KLF12: variants seen among roughly 807,000 people sequenced by gnomAD.
KLF12 encodes Krueppel-like factor 12.
Under a neutral mutation model 37.8 loss-of-function variants are expected in KLF12, and 9 were observed. The ratio of observed to expected loss-of-function variants is 0.24; its 90% CI spans 0.14 to 0.42. The LOEUF (loss-of-function observed/expected upper bound fraction) is 0.42, where lower values mean the gene tolerates loss of function less well. Ranked by LOEUF, KLF12 falls within the 10% of genes least tolerant of loss-of-function variation. The probability of loss-of-function intolerance (pLI) is 1.00; values close to 1 mark genes in which losing one functional copy is unlikely to be tolerated. For missense variants in KLF12, 411 were observed against 516.0 expected, an observed-to-expected ratio of 0.80 and a Z score of 1.97; for synonymous variants, 208 against 202.1, an observed-to-expected ratio of 1.03 and a Z score of -0.25.
At chr13:74,097,086 A>G (rs908279733) in intron 1 of KLF12, among the ~76,000 whole-genome samples, 5 of 152,210 alleles carry the variant, frequency 3.3e-5, no homozygotes, top group African/African-American at 9.6e-5. Flanking sequence ...ACGTTGCAGT[A>G]TATGAATACA....
chr13:73,818,247 G>A lies in KLF12; in HGVS notation c.671-4960C>T, dbSNP rs989653081. ...TGCAACCTCCGCCTCCCAGATTTAAGTAATTCTCCTGCCTTGGCCTCCCAA... is the reference window on the plus strand; with the variant it reads ...TGCAACCTCCGCCTCCCAGATTTAAATAATTCTCCTGCCTTGGCCTCCCAA... On this transcript the variant is annotated intron_variant, in intron 4 of 7. Transcript: ENST00000377669. 2.2e-4 allele frequency among the ~76,000 whole-genome samples: 34 copies of A among 152,372 alleles called. 1 individual carries two copies. Among genetic ancestry groups the A allele is most frequent in the African/African-American group, 7.5e-4 (31 of 41,598 alleles).
intron 3 of KLF12, among the ~76,000 whole-genome samples, chr13:73,927,972 C>T (rs551041999): frequency 4.1e-4 from 63 of 152,140 alleles, no homozygotes; most frequent in African/African-American, 1.4e-3. Flanking sequence ...ATTCTCCTGC[C>T]TCAGCCTCTT....
intron 1 of KLF12, among the ~76,000 whole-genome samples, chr13:74,078,728 G>C (rs1874709805): frequency 6.6e-6 from 1 of 152,142 alleles, no homozygotes; most frequent in African/African-American, 2.4e-5. Context: ...CAAATGTACT[G>C]ATTAATGATA....
intron 6 of KLF12, among the ~76,000 whole-genome samples, chr13:73,724,669 C>T (rs747586931): frequency 2.0e-5 from 3 of 152,120 alleles, no homozygotes; most frequent in Admixed American, 1.3e-4. Context: ...GTGAAATTAA[C>T]ACTGGAAAAG....
intron 1 of KLF12, among the ~76,000 whole-genome samples, chr13:74,020,029 G>T (rs543033601): frequency 3.7e-4 from 57 of 152,318 alleles, no homozygotes; most frequent in African/African-American, 1.3e-3. Flanking sequence ...GGAAAGAAAA[G>T]AAGAAAAACC....
intron 1 of KLF12, among the ~76,000 whole-genome samples, chr13:74,044,697 T>C (rs541359055): frequency 3.8e-4 from 57 of 151,776 alleles, no homozygotes; most frequent in African/African-American, 1.3e-3. Flanking sequence ...TACAAAAAAT[T>C]TGCCAGATGT....
chr13:74,098,484 G>A (rs969474802), intron 1 of KLF12, among the ~76,000 whole-genome samples: 3 of 152,154 alleles, frequency 2.0e-5, no homozygotes, highest in Non-Finnish European at 2.9e-5. Context: ...TACCTCTACA[G>A]AATTCAAGCT....
At chr13:73,933,204 T>C (rs926216977) in intron 3 of KLF12, among the ~76,000 whole-genome samples, 2 of 152,304 alleles carry the variant, frequency 1.3e-5, no homozygotes, top group East Asian at 3.8e-4. Flanking sequence ...ATTTTATCTC[T>C]GGTTATATTA....
the KLF12 span, among the ~76,000 whole-genome samples, chr13:74,156,807 C>T: frequency 1.3e-5 from 2 of 152,166 alleles, no homozygotes; most frequent in African/African-American, 4.8e-5. Flanking sequence ...CTGTATCTCA[C>T]TCTTTTTTCA....
intron 1 of KLF12, among the ~76,000 whole-genome samples, chr13:74,004,105 G>GT (rs1296494437): frequency 1.3e-5 from 2 of 152,010 alleles, no homozygotes; most frequent in African/African-American, 2.4e-5. Flanking sequence ...AAAACACCAG[G>GT]TTTTTTAAAG....
chr13:73,803,296 A>G lies in KLF12; in HGVS notation c.806+9856T>C, dbSNP rs191555237. The stretch of plus-strand genomic sequence containing the variant: ...CTTCAGTTGGTCAGTGAAATTGTTC[A>G]TTTACTCTTTGCGAGAAGCCCCTGC... On this transcript the variant is annotated intron_variant, in intron 5 of 7. Coordinates refer to ENST00000377669, the MANE Select transcript of KLF12 (RefSeq NM_007249.5). 2.4e-4 allele frequency among the ~76,000 whole-genome samples: 37 copies of G among 152,258 alleles called. 1 individual carries two copies. Among genetic ancestry groups the G allele is most frequent in the African/African-American group, 8.9e-4 (37 of 41,550 alleles).
intron 2 of KLF12, among the ~76,000 whole-genome samples, chr13:73,968,372 A>C (rs1435369812): frequency 6.6e-6 from 1 of 152,244 alleles, no homozygotes; most frequent in Non-Finnish European, 1.5e-5. Context: ...ATTTGTAGTC[A>C]CTGGTGGGGT....
At chr13:73,955,795 T>C (rs1296257845) in intron 2 of KLF12, among the ~76,000 whole-genome samples, 1 of 152,132 alleles carries the variant, frequency 6.6e-6, no homozygotes, top group Non-Finnish European at 1.5e-5. Flanking sequence ...CTTGAGGAAA[T>C]CAAAAGAACT....
At chr13:74,240,896 C>T in the KLF12 span, among the ~76,000 whole-genome samples, 36 of 148,832 alleles carry the variant, frequency 2.4e-4, no homozygotes, top group African/African-American at 8.1e-4. Flanking sequence ...TGAATGTCCT[C>T]CCATAGCTCA....
intron 3 of KLF12, among the ~76,000 whole-genome samples, chr13:73,941,388 C>T (rs1272900251): frequency 1.3e-5 from 2 of 152,116 alleles, no homozygotes; most frequent in Admixed American, 6.5e-5. Context: ...AAGCAAAACT[C>T]TATGTCGTAA....
the KLF12 span, among the ~76,000 whole-genome samples, chr13:74,294,188 T>C: frequency 6.6e-6 from 1 of 152,194 alleles, no homozygotes; most frequent in Non-Finnish European, 1.5e-5. Flanking sequence ...TTATTTTTAT[T>C]TTTATTTGTA....
chr13:73,706,077 G>A (rs1874920383), intron 7 of KLF12, among the ~76,000 whole-genome samples: 1 of 152,158 alleles, frequency 6.6e-6, no homozygotes, highest in Non-Finnish European at 1.5e-5. Context: ...ACTTGAACCT[G>A]GGAGGCAGAG....
intron 2 of KLF12, among the ~76,000 whole-genome samples, chr13:73,985,397 C>A (rs1290301916): frequency 6.6e-6 from 1 of 152,224 alleles, no homozygotes; most frequent in African/African-American, 2.4e-5. Context: ...TAAAAAGGAA[C>A]ACCTACCCTT....
intron 1 of KLF12, among the ~76,000 whole-genome samples, chr13:74,052,468 G>A (rs761231596): frequency 2.0e-5 from 3 of 151,766 alleles, no homozygotes; most frequent in Admixed American, 6.6e-5. Context: ...ATAAGTTTTC[G>A]GACACTACAG....
Sources: gnomAD v4.1 joint callset for allele counts (sites outside exome capture counted in the v4.1 genomes callset) on GRCh38, gnomAD v4.1.1 for gene constraint, MANE v1.5 for transcripts, NCBI Gene and HGNC (gene_info 2026-07-23, HGNC 2026-07-21) for gene names.